HTRA2: variants seen among roughly 807,000 people sequenced by gnomAD.
HTRA2 encodes the protein serine protease HTRA2, mitochondrial.
In HTRA2, 24 loss-of-function variants were observed where a neutral mutation model predicts 42.2. The observed-to-expected ratio is 0.57, with a 90% confidence interval of 0.41 to 0.80. The LOEUF (loss-of-function observed/expected upper bound fraction) is 0.80, where lower values mean the gene tolerates loss of function less well. Among genes scored for constraint, HTRA2 ranks in the 30% least tolerant of loss-of-function variants. HTRA2 has a pLI of 0.00. For missense variants in HTRA2, 466 were observed against 613.5 expected (o/e 0.76, Z 2.54); for synonymous variants, 245 against 255.8 (o/e 0.96, Z 0.40).
chr2:74,532,537 G>A, intron 6 of HTRA2, 82 bp from the exon 7 acceptor site: 1 of 1,015,392 alleles, frequency 9.8e-7, no homozygotes, highest in Non-Finnish European at 1.5e-6. Context: ...ATTTATCAAT[G>A]TGTTGATGAG....
intron 6 of HTRA2, chr2:74,532,301 A>T: frequency 2.1e-6 from 1 of 474,852 alleles, no homozygotes. Flanking sequence ...CTTGTTTTAT[A>T]TGGTTAATAT....
In HTRA2 at chr2:74,530,728, C is replaced by T; in HGVS notation, c.618C>T (p.Val206=). The change falls in exon 2 of 8, where the codon GTC becomes GTT. Residue 206 remains valine (V), a synonymous_variant. Coordinates refer to ENST00000258080, the MANE Select transcript of HTRA2 (RefSeq NM_013247.5). This position sits in a 1 kb window ranked among gnomAD's most constrained non-coding sequence, Gnocchi z 7.4. ...NAHVVADRRR[V]RVRLLSGDTY... is the part of the protein sequence containing the mutation. ...ATGTGGTGGCTGATCGGCGCAGAGT[C>T]CGTGTGAGACTGCTAAGCGGCGACA... 6.2e-7 allele frequency: 1 copy of T among 1,614,202 alleles called. No homozygotes were observed. Among genetic ancestry groups the T allele is most frequent in the Non-Finnish European group, 8.5e-7 (1 of 1,180,034 alleles).
At chr2:74,531,176 C>T in intron 3 of HTRA2, 71 bp downstream of exon 3, 2 of 1,559,804 alleles carry the variant, frequency 1.3e-6, no homozygotes, top group South Asian at 1.1e-5. Context: ...CAAGCACCAA[C>T]TGATATATGG....
chr2:74,531,659 T>C lies in HTRA2; in HGVS notation c.1002T>C (p.Pro334=). Residue 334 remains proline (P), a synonymous_variant, in exon 5 of 8, where the codon CCT becomes CCC. Transcript: ENST00000258080. ...KVTAGISFAI[P]SDRLREFLHR... ...CAGCTGGAATCTCCTTTGCCATCCC[T>C]TCTGATCGTCTTCGAGAGTTTCTGC... 1 of 1,614,202 alleles carries C rather than the reference T, an allele frequency of 6.2e-7. No individual in the cohort carries two copies. The highest frequency in any genetic ancestry group is 1.1e-5 in the South Asian group (1 of 91,086).
chr2:74,531,572 G>A (rs769338256), intron 4 of HTRA2, 25 bp from the exon 5 acceptor site: 1 of 1,614,142 alleles, frequency 6.2e-7, no homozygotes, highest in Non-Finnish European at 8.5e-7. Flanking sequence ...TTTAGGCTAG[G>A]GAACTGGGGG....
At position 74,530,798 on chromosome 2, in the gene HTRA2, G is replaced by A. The variant is rs774347371; in HGVS notation, c.688G>A (p.Ala230Thr). The A allele has an allele frequency of 6.2e-7, 1 of 1,614,160 alleles. No homozygotes were observed. The highest frequency in any genetic ancestry group is 8.5e-7 in the Non-Finnish European group (1 of 1,180,034). ...AGCTGTGGATCCCGTGGCAGACATC[G>A]CAACGCTGAGGATTCAGACTAAGGT... Reference protein sequence around the residue: ...VTAVDPVADIATLRIQTKEPL... With the variant: ...VTAVDPVADITTLRIQTKEPL... The change falls in exon 2 of 8, where the codon GCA becomes ACA. Residue 230 changes from alanine (A) to threonine (T), a missense_variant. Around this residue, in one of 3 missense-constraint regions of HTRA2, gnomAD observed 115 missense variants for 245.4 expected, o/e 0.47. Coordinates refer to ENST00000258080, the MANE Select transcript of HTRA2 (RefSeq NM_013247.5). This position sits in a 1 kb window ranked among gnomAD's most constrained non-coding sequence, Gnocchi z 7.4.
Position 74,530,587 on chromosome 2 carries a change from C to G in HTRA2, c.507-30C>G. ...GGGCGGGTAGGAGGGGTCAGAGCCT[C>G]CTCTTATCTGTGCTTTCCCTCCATT... On this transcript the variant is annotated intron_variant, in intron 1 of 7. Transcript: ENST00000258080. The surrounding 1 kb of genome is among the most constrained non-coding windows in gnomAD (Gnocchi z 7.4). The G allele has an allele frequency of 6.2e-7, 1 of 1,613,826 alleles. No homozygotes were observed. Among genetic ancestry groups the G allele is most frequent in the East Asian group, 2.2e-5 (1 of 44,876 alleles).
At chr2:74,531,974 G>A in intron 6 of HTRA2, 49 bp downstream of exon 6, 1 of 1,530,292 alleles carries the variant, frequency 6.5e-7, no homozygotes, top group Non-Finnish European at 9.1e-7. Context: ...TGTAATCAGA[G>A]GGGGGCACCT....
At chr2:74,531,955 T>C in intron 6 of HTRA2, 30 bp downstream of exon 6, 2 of 1,604,492 alleles carry the variant, frequency 1.2e-6, no homozygotes, top group Non-Finnish European at 1.7e-6. Flanking sequence ...TGACATGTAA[T>C]GTGACCAGTG....
rs906371939 is a variant in HTRA2 at position 74,531,885 on chromosome 2, C to A, written c.1075C>A (p.Arg359=). ...NSSSGISGSQ[R]RYIGVMMLTL... is the part of the protein sequence containing the mutation. ...CTCCTCCGGAATCAGTGGGTCCCAG[C>A]GGCGCTACATTGGGGTGATGATGCT... The change falls in exon 6 of 8, where the codon CGG becomes AGG. Residue 359 remains arginine (R), a synonymous_variant. Coordinates refer to ENST00000258080, the MANE Select transcript of HTRA2 (RefSeq NM_013247.5). 6.2e-7 allele frequency: 1 copy of A among 1,613,912 alleles called. No homozygotes were observed. The highest frequency in any genetic ancestry group is 8.5e-7 in the Non-Finnish European group (1 of 1,180,024).
At chr2:74,531,246 AAAG>A in intron 3 of HTRA2, 90 bp from the exon 4 acceptor site, 1 of 1,562,594 alleles carries the variant, frequency 6.4e-7, no homozygotes. Context: ...ATGGGCTGAG[AAAG>A]AAGAGAATTT....
chr2:74,530,244 CG>C lies in HTRA2; in HGVS notation c.241del (p.Ala81HisfsTer3). The C allele has an allele frequency of 1.2e-6, 2 of 1,609,392 alleles. No individual in the cohort carries two copies. The highest frequency in any genetic ancestry group is 1.7e-6 in the Non-Finnish European group (2 of 1,178,002). The stretch of plus-strand genomic sequence containing the variant: ...CCTGACGTCTGGGACCCCGGGTCCC[CG>C]GGCACAACTGACTGCGGTGACCCCA... ...ACLTSGTPGP[R>X]AQLTAVTPDT... On this transcript the variant is annotated frameshift_variant, in exon 1 of 8. Transcript: ENST00000258080. LOFTEE classifies it high-confidence loss of function. The surrounding 1 kb of genome is among the most constrained non-coding windows in gnomAD (Gnocchi z 7.4).
rs72470544 is a variant in HTRA2, at chr2:74,530,427, G to T, written c.421G>T (p.Ala141Ser). The T allele has an allele frequency of 0.023, 37,545 of 1,603,176 alleles. 485 individuals are homozygous for T. The highest frequency in any genetic ancestry group is 0.035 in the Middle Eastern group (211 of 6,058). The stretch of plus-strand genomic sequence containing the variant: ...CGCCGCCGTCCCTAGCCCGCCGCCC[G>T]CTTCTCCCCGGAGTCAGTACAACTT... ...VLAAVPSPPP[A>S]SPRSQYNFIA... The change falls in exon 1 of 8, where the codon GCT (alanine) becomes TCT (serine). Residue 141 changes from alanine to serine, a missense_variant. Ala to Ser is a moderately conservative substitution (Grantham distance 99, BLOSUM62 1). Transcript: ENST00000258080. This position sits in a 1 kb window ranked among gnomAD's most constrained non-coding sequence, Gnocchi z 7.4.
At position 74,531,012 on chromosome 2, in the gene HTRA2, A is replaced by G; in HGVS notation, c.813A>G (p.Thr271=). 2 of 1,614,182 alleles carry G rather than the reference A, an allele frequency of 1.2e-6. No homozygotes were observed. Among genetic ancestry groups the G allele is most frequent in the Non-Finnish European group, 1.7e-6 (2 of 1,180,032 alleles). The part of the protein sequence containing the change: ...GSPFALQNTI[T]SGIVSSAQRP... ...CCTTTGCACTGCAGAACACGATCAC[A>G]TCCGGCATTGTTAGCTCTGCTCAGC... Residue 271 remains threonine, a synonymous_variant, in exon 3 of 8, where the codon ACA becomes ACG. Coordinates refer to ENST00000258080, the MANE Select transcript of HTRA2 (RefSeq NM_013247.5).
chr2:74,530,839 C>T lies in HTRA2; in HGVS notation c.711+18C>T, dbSNP rs893802060. 1.5e-5 allele frequency: 25 copies of T among 1,613,976 alleles called. No individual in the cohort carries two copies. In the African/African-American group the frequency reaches 2.3e-4, roughly 15 times the overall value. On this transcript the variant is annotated intron_variant, in intron 2 of 7. Transcript: ENST00000258080. This position sits in a 1 kb window ranked among gnomAD's most constrained non-coding sequence, Gnocchi z 7.4. ...AGACTAAGGTGGGGGCTGGGGTAGG[C>T]CAGGTCTGGTTGGAGCTGCTTATTT...
Position 74,531,837 on chromosome 2 carries a change from AT to A in HTRA2, c.1046-16del, listed in dbSNP as rs1675632588. 6.2e-7 allele frequency: 1 copy of A among 1,613,414 alleles called. No homozygotes were observed. The highest frequency in any genetic ancestry group is 1.1e-5 in the South Asian group (1 of 91,036). On this transcript the variant is annotated intron_variant, in intron 5 of 7. Coordinates refer to ENST00000258080, the MANE Select transcript of HTRA2 (RefSeq NM_013247.5). ...GGAAGGATGTAGCTGGGTGGGGCTC[AT>A]TTGTCCCTCTGTCACAGATTCCTCC...
At chr2:74,531,166 C>A (rs1456013923) in intron 3 of HTRA2, 61 bp downstream of exon 3, 5 of 1,581,598 alleles carry the variant, frequency 3.2e-6, no homozygotes, top group Admixed American at 3.3e-5. Flanking sequence ...CTGTGTGGTA[C>A]AAGCACCAAC....
rs1390734051 is a variant in HTRA2, at chr2:74,530,143, C to G, written c.137C>G (p.Pro46Arg). ...RALLTSGTSDPRARVTYGTPS... is the reference protein window; with the variant it reads ...RALLTSGTSDRRARVTYGTPS... The stretch of plus-strand genomic sequence containing the variant: ...CTGCTGACGTCAGGAACTTCTGACC[C>G]CCGGGCCCGAGTGACTTATGGGACC... Residue 46 changes from proline to arginine, a missense_variant, in exon 1 of 8, where the codon CCC (proline) becomes CGC (arginine). By Grantham distance (103) the Pro-to-Arg change is moderately radical. Around this residue, in one of 3 missense-constraint regions of HTRA2, gnomAD observed 222 missense variants for 205.1 expected, o/e 1.08. Coordinates refer to ENST00000258080, the MANE Select transcript of HTRA2 (RefSeq NM_013247.5). The surrounding 1 kb of genome is among the most constrained non-coding windows in gnomAD (Gnocchi z 7.4). 5.6e-6 allele frequency: 9 copies of G among 1,612,260 alleles called. No homozygotes were observed. The highest frequency in any genetic ancestry group is 6.8e-6 in the Non-Finnish European group (8 of 1,179,358).
At position 74,530,720 on chromosome 2, in the gene HTRA2, C is replaced by T; in HGVS notation, c.610C>T (p.Arg204Cys). 5 of 1,614,158 alleles carry T rather than the reference C, an allele frequency of 3.1e-6. No homozygotes were observed. In the South Asian group the frequency reaches 4.4e-5, roughly 14 times the overall value. ...VTNAHVVADR[R>C]RVRVRLLSGD... The stretch of plus-strand genomic sequence containing the variant: ...CAACGCCCATGTGGTGGCTGATCGG[C>T]GCAGAGTCCGTGTGAGACTGCTAAG... The change falls in exon 2 of 8, where the codon CGC becomes TGC. Residue 204 changes from arginine to cysteine, a missense_variant. Around this residue, in one of 3 missense-constraint regions of HTRA2, gnomAD observed 115 missense variants for 245.4 expected, o/e 0.47. Transcript: ENST00000258080. This position sits in a 1 kb window ranked among gnomAD's most constrained non-coding sequence, Gnocchi z 7.4.
Sources: gnomAD v4.1 joint callset for allele counts on GRCh38, gnomAD v4.1.1 for gene constraint, gnomAD v4.1.1 regional missense constraint, Gnocchi (gnomAD v3.1) non-coding constraint, MANE v1.5 for transcripts, NCBI Gene and HGNC (gene_info 2026-07-23, HGNC 2026-07-21) for gene names.